The following TMCO1 variants were observed in gnomAD, a reference collection of about 807,000 sequenced individuals.
The protein encoded by TMCO1 is calcium load-activated calcium channel.
TMCO1 carries 29 observed loss-of-function variants against 29.3 expected under a neutral mutation model. The observed-to-expected ratio is 0.99, with a 90% confidence interval of 0.74 to 1.35. The LOEUF is 1.35. Among genes scored for constraint, TMCO1 ranks in the 40% most tolerant of loss-of-function variants. The pLI, the probability that TMCO1 is intolerant of heterozygous loss-of-function variation, is 0.00. For missense variants in TMCO1, 173 were observed against 225.5 expected (o/e 0.77, Z 1.49); for synonymous variants, 80 against 77.1 (o/e 1.04, Z -0.20).
At chr1:165,761,096 T>C (rs369027663) in intron 2 of TMCO1, among the ~76,000 whole-genome samples, 43 of 152,300 alleles carry the variant, frequency 2.8e-4, no homozygotes, top group Middle Eastern at 3.4e-3. Flanking sequence ...CCAAGAATTG[T>C]AAAATTCAAC....
rs1451748683 is a variant in TMCO1, at chr1:165,754,225, T to C, written c.255+3A>G. 11 of 1,609,102 alleles carry C rather than the reference T, an allele frequency of 6.8e-6. No individual in the cohort carries two copies. The highest frequency in any genetic ancestry group is 1.7e-4 in the Middle Eastern group (1 of 5,962). On this transcript the variant is annotated splice_donor_region_variant and intron_variant, in intron 4 of 6. Transcript: ENST00000367881. ...ACCATGAAGTTATAGTTAGGTCTCT[T>C]ACCATTGATAGATCTCTGTTGTTAT... is the stretch of plus-strand genomic sequence containing the variant.
chr1:165,725,024 CTATATATA>C (rs140541989), downstream of TMCO1: 2,178 of 95,374 alleles, frequency 0.023, 24 homozygotes, highest in South Asian at 0.061. Flanking sequence ...CTCTCTCTCT[CTATATATA>C]TATATATATA....
At chr1:165,754,604 A>G (rs1652121491) in intron 3 of TMCO1, among the ~76,000 whole-genome samples, 1 of 152,214 alleles carries the variant, frequency 6.6e-6, no homozygotes. Flanking sequence ...TAACATAATG[A>G]TTGTACTTAG....
intron 4 of TMCO1, 54 bp from the exon 5 acceptor site, chr1:165,752,223 G>C: frequency 1.4e-4 from 161 of 1,117,464 alleles, no homozygotes; most frequent in Middle Eastern, 2.4e-4. Flanking sequence ...CACATCTAAA[G>C]CATATCTCAA....
In TMCO1 at chr1:165,727,795, C is replaced by G; in HGVS notation, c.*228G>C. 2.0e-6 allele frequency: 1 copy of G among 488,126 alleles called. No homozygotes were observed. Among genetic ancestry groups the G allele is most frequent in the South Asian group, 1.5e-5 (1 of 64,532 alleles). The allele number at this position is 488,126 out of a possible 1,614,324, so 30.2% of individuals were successfully genotyped here. ...TTTCATTACATAAACATTACCTGAA[C>G]TTAACTAATCAATCCACTTATTTGA... On this transcript the variant is annotated 3_prime_UTR_variant, in exon 7 of 7. Coordinates refer to ENST00000367881, the MANE Select transcript of TMCO1 (RefSeq NM_019026.6).
intron 5 of TMCO1, among the ~76,000 whole-genome samples, chr1:165,747,080 G>A (rs1004417758): frequency 2.6e-5 from 4 of 151,998 alleles, no homozygotes; most frequent in Admixed American, 2.6e-4. Flanking sequence ...GGCCAACATG[G>A]TGAAACCCCA....
chr1:165,755,986 T>C (rs1174238468), intron 3 of TMCO1, among the ~76,000 whole-genome samples: 1 of 151,558 alleles, frequency 6.6e-6, no homozygotes, highest in Non-Finnish European at 1.5e-5. Context: ...AATAGAAAAG[T>C]TATAATATGG....
chr1:165,752,095 C>T lies in TMCO1; in HGVS notation c.323+7G>A. ...TATTAGTCAAAAGCATATAAAAGGA[C>T]ACTCACATGGAATTGAACATTCCCA... On this transcript the variant is annotated splice_region_variant and intron_variant, in intron 5 of 6. Transcript: ENST00000367881. The T allele has an allele frequency of 6.2e-7, 1 of 1,607,072 alleles. No homozygotes were observed. The highest frequency in any genetic ancestry group is 8.5e-7 in the Non-Finnish European group (1 of 1,173,866).
At chr1:165,746,020 G>A (rs192553732) in intron 5 of TMCO1, among the ~76,000 whole-genome samples, 2 of 152,268 alleles carry the variant, frequency 1.3e-5, no homozygotes, top group East Asian at 1.9e-4. Context: ...GGTGGCTCAC[G>A]CCTGTAATCC....
intron 5 of TMCO1, among the ~76,000 whole-genome samples, chr1:165,743,692 C>T (rs1016171858): frequency 1.2e-4 from 19 of 152,112 alleles, no homozygotes; most frequent in Admixed American, 5.2e-4. Flanking sequence ...CTTGCCGTGT[C>T]GGTCAGGCTG....
At chr1:165,728,720 G>T (rs1651002038) in intron 6 of TMCO1, among the ~76,000 whole-genome samples, 1 of 152,062 alleles carries the variant, frequency 6.6e-6, no homozygotes, top group African/African-American at 2.4e-5. Context: ...AGCATATGAA[G>T]AATATTCATT....
In TMCO1 at chr1:165,759,599, G is replaced by C; in HGVS notation, c.149-15C>G. 1 of 1,606,092 alleles carries C rather than the reference G, an allele frequency of 6.2e-7. No homozygotes were observed. Among genetic ancestry groups the C allele is most frequent in the Non-Finnish European group, 8.5e-7 (1 of 1,173,502 alleles). On this transcript the variant is annotated splice_polypyrimidine_tract_variant and intron_variant, in intron 2 of 6. Transcript: ENST00000367881. Reference sequence around the variant, plus strand: ...CTTCTTTTCCACTGTAAACAACATAGTAACACAGTAAAAATTAACTGGATT... The same window carrying C: ...CTTCTTTTCCACTGTAAACAACATACTAACACAGTAAAAATTAACTGGATT...
intron 5 of TMCO1, 137 bp downstream of exon 5, chr1:165,751,965 G>A: frequency 1.4e-6 from 1 of 707,374 alleles, no homozygotes. Context: ...GTAGGTAATG[G>A]ATATACTATT....
At chr1:165,746,069 C>T (rs1374597416) in intron 5 of TMCO1, among the ~76,000 whole-genome samples, 1 of 151,912 alleles carries the variant, frequency 6.6e-6, no homozygotes, top group African/African-American at 2.4e-5. Context: ...ATCACGAGGT[C>T]AGGAGTTTGA....
chr1:165,734,306 T>C (rs1013679107), intron 6 of TMCO1, among the ~76,000 whole-genome samples: 6 of 152,138 alleles, frequency 3.9e-5, no homozygotes, highest in African/African-American at 1.4e-4. Context: ...TGAAATATTA[T>C]TGGGTTAGCA....
intron 4 of TMCO1, among the ~76,000 whole-genome samples, chr1:165,752,948 CA>C (rs1187324030): frequency 6.6e-6 from 1 of 152,088 alleles, no homozygotes; most frequent in East Asian, 1.9e-4. Flanking sequence ...TAAGTACTGG[CA>C]AAAGGTCTCT....
At chr1:165,744,489 T>C (rs1222358995) in intron 5 of TMCO1, among the ~76,000 whole-genome samples, 3 of 152,184 alleles carry the variant, frequency 2.0e-5, no homozygotes, top group African/African-American at 7.2e-5. Context: ...ATGTGTTAAA[T>C]GACTTTTAAG....
intron 6 of TMCO1, among the ~76,000 whole-genome samples, chr1:165,739,395 A>AT (rs1651503559): frequency 3.2e-5 from 1 of 30,858 alleles, no homozygotes; most frequent in Non-Finnish European, 6.3e-5. Context: ...CTTCCTAAAT[A>AT]ATTTTTTTTT....
intron 2 of TMCO1, 75 bp from the exon 3 acceptor site, chr1:165,759,659 G>T: frequency 1.6e-6 from 2 of 1,282,320 alleles, no homozygotes; most frequent in Non-Finnish European, 1.1e-6. Context: ...TATCACAGCT[G>T]AACCAATGAA....
Sources: allele counts gnomAD v4.1 joint callset (sites outside exome capture counted in the v4.1 genomes callset), GRCh38; gene constraint gnomAD v4.1.1; transcripts MANE v1.5; gene names NCBI Gene and HGNC (gene_info 2026-07-23, HGNC 2026-07-21).